The following RAB38 variants were observed in gnomAD, a reference collection of about 807,000 sequenced individuals.
The protein encoded by RAB38 is ras-related protein Rab-38.
A neutral mutation model predicts 18.4 loss-of-function variants in RAB38; 15 were observed. The observed-to-expected ratio is 0.82, with a 90% CI of 0.55 to 1.26. The LOEUF is 1.26. Ranked by LOEUF, RAB38 falls within the 50% of genes most tolerant of loss-of-function variation. The pLI is 0.00. For missense variants in RAB38, 294 were observed against 267.4 expected (o/e 1.10, Z -0.69); for synonymous variants, 101 against 104.4 (o/e 0.97, Z 0.20).
chr11:88,026,698 T>A, the RAB38 span, among the ~76,000 whole-genome samples: 1 of 151,446 alleles, frequency 6.6e-6, no homozygotes, highest in Non-Finnish European at 1.5e-5. Flanking sequence ...AAAATTCTTA[T>A]AGGAAAAGTG....
At chr11:87,811,030 C>G in the RAB38 span, among the ~76,000 whole-genome samples, 4 of 152,034 alleles carry the variant, frequency 2.6e-5, no homozygotes, top group Admixed American at 2.6e-4. Context: ...ACCTGAATGT[C>G]AAAAAGAGGG....
At chr11:87,944,320 C>G in the RAB38 span, among the ~76,000 whole-genome samples, 1 of 152,082 alleles carries the variant, frequency 6.6e-6, no homozygotes, top group Non-Finnish European at 1.5e-5. Flanking sequence ...ATAAGGCAAA[C>G]CACAATAAAA....
chr11:88,104,988 C>T, the RAB38 span, among the ~76,000 whole-genome samples: 24 of 152,122 alleles, frequency 1.6e-4, no homozygotes, highest in African/African-American at 5.5e-4. Context: ...TATTTTCCAT[C>T]CTTCTTTGAT....
the RAB38 span, among the ~76,000 whole-genome samples, chr11:87,967,283 A>G: frequency 1.3e-5 from 2 of 152,170 alleles, no homozygotes; most frequent in African/African-American, 4.8e-5. Context: ...TAACCCATGA[A>G]TTGACTATGC....
At chr11:88,154,700 G>A (rs1373183281) in intron 1 of RAB38, among the ~76,000 whole-genome samples, 1 of 152,224 alleles carries the variant, frequency 6.6e-6, no homozygotes, top group Non-Finnish European at 1.5e-5. Context: ...CTGTTCAGCT[G>A]GAGCAGTAGT....
the RAB38 span, among the ~76,000 whole-genome samples, chr11:88,006,167 A>T: frequency 5.0e-5 from 1 of 19,810 alleles, no homozygotes; most frequent in Non-Finnish European, 1.2e-4. Context: ...CAACAGAAAT[A>T]AAAAAAAAAA....
chr11:87,925,059 G>A, the RAB38 span, among the ~76,000 whole-genome samples: 7 of 152,006 alleles, frequency 4.6e-5, no homozygotes, highest in Non-Finnish European at 8.8e-5. Context: ...ACCAGGGAGA[G>A]TAAAGAAGGC....
chr11:88,045,352 G>A, the RAB38 span, among the ~76,000 whole-genome samples: 1 of 152,180 alleles, frequency 6.6e-6, no homozygotes, highest in African/African-American at 2.4e-5. Context: ...GCAATTCCTT[G>A]CCTCCACTGT....
chr11:87,891,793 C>T, the RAB38 span, among the ~76,000 whole-genome samples: 2 of 151,814 alleles, frequency 1.3e-5, no homozygotes. Flanking sequence ...AGAAAGAATA[C>T]AGGTCTTGCC....
chr11:87,841,384 T>G, the RAB38 span, among the ~76,000 whole-genome samples: 1 of 152,180 alleles, frequency 6.6e-6, no homozygotes, highest in Admixed American at 6.6e-5. Flanking sequence ...AAGAAGGACA[T>G]GTTTGCTTCC....
chr11:88,161,675 C>A (rs943248241), intron 1 of RAB38, among the ~76,000 whole-genome samples: 1 of 152,092 alleles, frequency 6.6e-6, no homozygotes, highest in African/African-American at 2.4e-5. Context: ...TGAATTAGTG[C>A]TGCATACTGA....
chr11:87,837,526 G>A, the RAB38 span, among the ~76,000 whole-genome samples: 2 of 152,218 alleles, frequency 1.3e-5, no homozygotes, highest in African/African-American at 4.8e-5. Flanking sequence ...AGATACAGCA[G>A]TGGTATGGTA....
the RAB38 span, among the ~76,000 whole-genome samples, chr11:87,888,277 A>T: frequency 1.4e-3 from 219 of 152,094 alleles, no homozygotes; most frequent in African/African-American, 5.1e-3. Flanking sequence ...TAGCAGTTGT[A>T]AAATACTATG....
chr11:87,885,525 G>A, the RAB38 span, among the ~76,000 whole-genome samples: 3 of 151,996 alleles, frequency 2.0e-5, no homozygotes, highest in South Asian at 6.2e-4. Context: ...GTGTACTGCG[G>A]GTAAACACAT....
At chr11:87,923,861 A>G in the RAB38 span, among the ~76,000 whole-genome samples, 1 of 151,840 alleles carries the variant, frequency 6.6e-6, no homozygotes, top group African/African-American at 2.4e-5. Flanking sequence ...TCATCGACCC[A>G]GAGAGAATAG....
chr11:87,859,760 T>A, the RAB38 span, among the ~76,000 whole-genome samples: 2 of 152,010 alleles, frequency 1.3e-5, no homozygotes, highest in Non-Finnish European at 2.9e-5. Flanking sequence ...TCAACAGGGC[T>A]TACTTCTTTT....
the RAB38 span, among the ~76,000 whole-genome samples, chr11:87,892,407 G>T: frequency 6.6e-6 from 1 of 151,760 alleles, no homozygotes; most frequent in Non-Finnish European, 1.5e-5. Flanking sequence ...CTCCTGGGTG[G>T]TTGTAATAGC....
At chr11:87,830,923 C>A in the RAB38 span, among the ~76,000 whole-genome samples, 1 of 152,090 alleles carries the variant, frequency 6.6e-6, no homozygotes, top group South Asian at 2.1e-4. Flanking sequence ...CTCAGCCTCC[C>A]AAGTAGCTGG....
chr11:88,044,902 C>T, the RAB38 span, among the ~76,000 whole-genome samples: 2 of 152,132 alleles, frequency 1.3e-5, no homozygotes, highest in Admixed American at 6.5e-5. Flanking sequence ...CCTTTAATCA[C>T]CTCCCCTCCT....
Sources: gnomAD v4.1 joint callset for allele counts (sites outside exome capture counted in the v4.1 genomes callset) on GRCh38, gnomAD v4.1.1 for gene constraint, MANE v1.5 for transcripts, NCBI Gene and HGNC (gene_info 2026-07-23, HGNC 2026-07-21) for gene names.